Variants in ANKH observed in about 807,000 individuals in gnomAD.
The protein encoded by ANKH is ANKH inorganic pyrophosphate transport regulator, also known as mineralization regulator ANKH.
A neutral mutation model predicts 49.0 loss-of-function variants in ANKH; 15 were observed. The observed-to-expected ratio is 0.31, with a 90% CI of 0.20 to 0.47. ANKH has a LOEUF of 0.47. ANKH is among the 20% of genes least tolerant of loss of function. The pLI is 1.00. For missense variants in ANKH, 429 were observed against 652.0 expected (o/e 0.66, Z 3.72); for synonymous variants, 273 against 260.0 (o/e 1.05, Z -0.48).
At chr5:14,791,537 A>G (rs1456780011) in intron 1 of ANKH, among the ~76,000 whole-genome samples, 2 of 152,178 alleles carry the variant, frequency 1.3e-5, no homozygotes, top group African/African-American at 4.8e-5. Flanking sequence ...TTGTTGTAAA[A>G]AAAATGCATA....
At position 14,745,965 on chromosome 5, in the gene ANKH, G is replaced by A. The variant is rs1187877762; in HGVS notation, c.823-3C>T. 6.2e-7 allele frequency: 1 copy of A among 1,613,204 alleles called. No homozygotes were observed. Among genetic ancestry groups the A allele is most frequent in the Non-Finnish European group, 8.5e-7 (1 of 1,179,258 alleles). On this transcript the variant is annotated splice_polypyrimidine_tract_variant and splice_region_variant and intron_variant, in intron 6 of 11. Transcript: ENST00000284268. This position sits in a 1 kb window ranked among gnomAD's most constrained non-coding sequence, Gnocchi z 4.7. ...GTGGCTGTCAAAATCGCCACTGCCT[G>A]CAACAGGAAGAGGTGGCAGAGTTAG...
intron 1 of ANKH, among the ~76,000 whole-genome samples, chr5:14,821,125 A>G (rs922918322): frequency 6.6e-6 from 1 of 152,014 alleles, no homozygotes; most frequent in African/African-American, 2.4e-5. Context: ...TCAGTTATTA[A>G]ACTTCAAAAC....
intron 1 of ANKH, among the ~76,000 whole-genome samples, chr5:14,839,322 C>T (rs745712732): frequency 2.6e-5 from 4 of 151,920 alleles, no homozygotes; most frequent in African/African-American, 7.3e-5. Flanking sequence ...TCAAGAGTAG[C>T]GAAGACAAGT....
chr5:14,719,515 G>A (rs538971922), intron 8 of ANKH, among the ~76,000 whole-genome samples: 19 of 152,318 alleles, frequency 1.2e-4, no homozygotes, highest in Non-Finnish European at 2.2e-4. Context: ...AAAAGGCTCC[G>A]AGAGATGCTA....
At chr5:14,796,453 T>TA (rs56898794) in intron 1 of ANKH, among the ~76,000 whole-genome samples, 17 of 128,656 alleles carry the variant, frequency 1.3e-4, no homozygotes, top group Non-Finnish European at 2.2e-4. Flanking sequence ...GGTCCCAAGT[T>TA]AAAAAAAAAA....
At chr5:14,780,086 A>G (rs1739761342) in intron 1 of ANKH, among the ~76,000 whole-genome samples, 1 of 147,564 alleles carries the variant, frequency 6.8e-6, no homozygotes, top group African/African-American at 2.5e-5. Flanking sequence ...CAGGCCCTGG[A>G]GAAGCTGAGT....
intron 8 of ANKH, among the ~76,000 whole-genome samples, chr5:14,728,710 T>C (rs1190837048): frequency 1.3e-5 from 2 of 152,182 alleles, no homozygotes; most frequent in Non-Finnish European, 2.9e-5. Flanking sequence ...GTCATTCTCA[T>C]GAACGGAATT....
chr5:14,773,697 A>G (rs1033168517), intron 1 of ANKH, among the ~76,000 whole-genome samples: 1 of 152,228 alleles, frequency 6.6e-6, no homozygotes, highest in South Asian at 2.1e-4. Flanking sequence ...GAAGCAAGGT[A>G]GGTAGTGCAC....
chr5:14,810,160 C>CT (rs35622899), intron 1 of ANKH, among the ~76,000 whole-genome samples: 48,604 of 144,318 alleles, frequency 0.34, 8,009 homozygotes, highest in Admixed American at 0.4. Context: ...AAACGATTGA[C>CT]TTTTTTTTTT....
rs911693760 is a variant in ANKH at position 14,709,985 on chromosome 5, A to C, written c.*1212T>G. 1 of 152,216 alleles carries C rather than the reference A, an allele frequency of 6.6e-6. No homozygotes were observed. Among genetic ancestry groups the C allele is most frequent in the Non-Finnish European group, 1.5e-5 (1 of 68,034 alleles). The allele number at this position is 152,216 out of a possible 1,614,324, so 9.4% of individuals were successfully genotyped here. Reference sequence around the variant, plus strand: ...ATCAATTTAGTGAACCGTGTCTATAATTTTTTTAAAGGAAAAAACCTGCTT... The same window carrying C: ...ATCAATTTAGTGAACCGTGTCTATACTTTTTTTAAAGGAAAAAACCTGCTT... On this transcript the variant is annotated 3_prime_UTR_variant, in exon 12 of 12. Transcript: ENST00000284268.
At chr5:14,799,039 T>C (rs1304150205) in intron 1 of ANKH, among the ~76,000 whole-genome samples, 2 of 152,242 alleles carry the variant, frequency 1.3e-5, no homozygotes, top group Non-Finnish European at 2.9e-5. Context: ...TAAAAAATGT[T>C]ACTTGAGTGG....
intron 1 of ANKH, among the ~76,000 whole-genome samples, chr5:14,800,437 T>C (rs1411285499): frequency 2.0e-5 from 3 of 152,234 alleles, no homozygotes; most frequent in Admixed American, 2.0e-4. Context: ...AAATCTTTCA[T>C]GAAAGGAAGA....
intron 2 of ANKH, among the ~76,000 whole-genome samples, chr5:14,764,093 T>TAAATAAATAAATAAAA (rs1261195937): frequency 7.3e-5 from 11 of 150,606 alleles, no homozygotes; most frequent in East Asian, 5.9e-4. Context: ...AATAAATAAA[T>TAAATAAATAAATAAAA]AAAAATAAAA....
At chr5:14,771,967 A>C (rs187403857) in intron 1 of ANKH, among the ~76,000 whole-genome samples, 1 of 152,192 alleles carries the variant, frequency 6.6e-6, no homozygotes, top group East Asian at 1.9e-4. Context: ...AACAAAACAA[A>C]AAACCGTTCC....
intron 1 of ANKH, among the ~76,000 whole-genome samples, chr5:14,803,868 T>C (rs1740630923): frequency 6.6e-6 from 1 of 152,162 alleles, no homozygotes; most frequent in South Asian, 2.1e-4. Flanking sequence ...GTGATCACCT[T>C]ACATAGCAAA....
At chr5:14,754,109 C>T (rs1738803780) in intron 4 of ANKH, among the ~76,000 whole-genome samples, 1 of 152,244 alleles carries the variant, frequency 6.6e-6, no homozygotes, top group African/African-American at 2.4e-5. Flanking sequence ...CCACCAGGCA[C>T]AGCCTGAAGC....
intron 8 of ANKH, among the ~76,000 whole-genome samples, chr5:14,723,737 G>A (rs1047756757): frequency 6.6e-6 from 1 of 152,228 alleles, no homozygotes; most frequent in African/African-American, 2.4e-5. Flanking sequence ...ACCAGCCATT[G>A]ACCGTGAAGT....
chr5:14,795,013 T>C (rs1205766344), intron 1 of ANKH, among the ~76,000 whole-genome samples: 1 of 152,266 alleles, frequency 6.6e-6, no homozygotes, highest in Non-Finnish European at 1.5e-5. Flanking sequence ...CTGGCACTAC[T>C]TGTCTGAGTG....
chr5:14,784,901 C>T (rs193284163), intron 1 of ANKH, among the ~76,000 whole-genome samples: 40 of 124,326 alleles, frequency 3.2e-4, no homozygotes, highest in Admixed American at 1.2e-3. Flanking sequence ...AAGGCTCCAA[C>T]GACTCTGGAC....
Sources: allele counts gnomAD v4.1 joint callset (sites outside exome capture counted in the v4.1 genomes callset), GRCh38; gene constraint gnomAD v4.1.1; non-coding constraint Gnocchi (gnomAD v3.1); transcripts MANE v1.5; gene names NCBI Gene and HGNC (gene_info 2026-07-23, HGNC 2026-07-21).